The following WDFY4 variants were observed in gnomAD, a reference collection of about 807,000 sequenced individuals.
WDFY4 encodes WD repeat- and FYVE domain-containing protein 4.
A neutral mutation model predicts 351.9 loss-of-function variants in WDFY4; 169 were observed. The observed-to-expected ratio is 0.48, with a 90% CI of 0.42 to 0.55. WDFY4 has a LOEUF of 0.55. Among genes scored for constraint, WDFY4 ranks in the 20% least tolerant of loss-of-function variants. The pLI, the probability that WDFY4 is intolerant of heterozygous loss-of-function variation, is 0.00. For missense variants in WDFY4, 3,803 were observed against 3,935.6 expected (o/e 0.97, Z 0.90); for synonymous variants, 1,622 against 1,574.6 (o/e 1.03, Z -0.71).
At chr10:48,883,349 C>A (rs2070329264) in intron 43 of WDFY4, among the ~76,000 whole-genome samples, 1 of 152,058 alleles carries the variant, frequency 6.6e-6, no homozygotes, top group South Asian at 2.1e-4. Context: ...TGATTGTTGA[C>A]CCGTGAACAT....
At chr10:48,756,214 A>T (rs963037113) in intron 12 of WDFY4, among the ~76,000 whole-genome samples, 2 of 151,996 alleles carry the variant, frequency 1.3e-5, no homozygotes, top group Admixed American at 1.3e-4. Context: ...AAAGTCTGTC[A>T]TATTCAGTGT....
intron 1 of WDFY4, among the ~76,000 whole-genome samples, chr10:48,706,645 A>C (rs1204125495): frequency 6.6e-6 from 1 of 152,230 alleles, no homozygotes; most frequent in Non-Finnish European, 1.5e-5. Context: ...TTGGTGTTTC[A>C]GGAGCAGCCG....
intron 44 of WDFY4, among the ~76,000 whole-genome samples, chr10:48,893,065 C>CCT (rs1836894402): frequency 6.6e-6 from 1 of 152,234 alleles, no homozygotes; most frequent in South Asian, 2.1e-4. Context: ...GGCCATGCTT[C>CCT]CTCTGACTGC....
At chr10:48,799,210 C>A (rs1056068346) in intron 24 of WDFY4, among the ~76,000 whole-genome samples, 3 of 152,032 alleles carry the variant, frequency 2.0e-5, no homozygotes, top group African/African-American at 4.8e-5. Flanking sequence ...TTCAGGAGAT[C>A]TGGTGCTTTT....
At chr10:48,913,669 T>G (rs145385330) in intron 47 of WDFY4, 1,219 of 1,613,598 alleles carry the variant, frequency 7.6e-4, no homozygotes, top group Non-Finnish European at 8.2e-4. Context: ...AGCTTGGAGA[T>G]GCTCACGGGG....
chr10:48,821,534 C>T (rs187976858), intron 34 of WDFY4, among the ~76,000 whole-genome samples: 77 of 152,332 alleles, frequency 5.1e-4, no homozygotes, highest in Admixed American at 2.6e-3. Flanking sequence ...TGCCTGGGTA[C>T]GGGATAGGTG....
chr10:48,828,651 G>A (rs1323905957), intron 36 of WDFY4, 127 bp from the exon 37 acceptor site: 2 of 576,712 alleles, frequency 3.5e-6, no homozygotes, highest in Admixed American at 3.7e-5. Flanking sequence ...AATTTGATTA[G>A]GCAAGTTTTT....
chr10:48,830,546 A>G (rs1303285765), intron 37 of WDFY4, among the ~76,000 whole-genome samples, 154 bp from the exon 38 acceptor site: 1 of 152,060 alleles, frequency 6.6e-6, no homozygotes, highest in Non-Finnish European at 1.5e-5. Context: ...CTCAGTACTG[A>G]TTGCTTCTCG....
intron 39 of WDFY4, among the ~76,000 whole-genome samples, chr10:48,846,276 C>T (rs187653413): frequency 2.2e-4 from 33 of 152,316 alleles, no homozygotes; most frequent in Non-Finnish European, 3.8e-4. Flanking sequence ...TATTTTCTCC[C>T]GTCTCTACCC....
chr10:48,778,477 A>G lies in WDFY4; in HGVS notation c.3176-134A>G, dbSNP rs1290190879. ...GGCAAGGCAGCATGCCATAATGGGGAGGAGACAACTGGTGATTAGGCAAGA... is the reference window on the plus strand; with the variant it reads ...GGCAAGGCAGCATGCCATAATGGGGGGGAGACAACTGGTGATTAGGCAAGA... On this transcript the variant is annotated intron_variant, in intron 17 of 61. Coordinates refer to ENST00000325239, the MANE Select transcript of WDFY4 (RefSeq NM_001394531.1). 4 of 855,588 alleles carry G rather than the reference A, an allele frequency of 4.7e-6. No homozygotes were observed. In the East Asian group the frequency reaches 1.1e-4, roughly 23 times the overall value. The allele number at this position is 855,588 out of a possible 1,614,324, so 53.0% of individuals were successfully genotyped here.
At chr10:48,736,334 T>C (rs2064666898) in intron 11 of WDFY4, 7 of 603,130 alleles carry the variant, frequency 1.2e-5, no homozygotes, top group South Asian at 9.9e-5. Context: ...GGCATCTAAC[T>C]TGGCCAGCAG....
At chr10:48,756,233 C>A (rs539405288) in intron 12 of WDFY4, among the ~76,000 whole-genome samples, 19 of 151,974 alleles carry the variant, frequency 1.3e-4, no homozygotes, top group Non-Finnish European at 2.5e-4. Context: ...GTAGGGCCTG[C>A]ACATGTTTTC....
chr10:48,848,429 A>C (rs1336305969), intron 39 of WDFY4, among the ~76,000 whole-genome samples: 1 of 152,238 alleles, frequency 6.6e-6, no homozygotes, highest in Admixed American at 6.5e-5. Context: ...GCAACTAGTA[A>C]AAGACTGCAT....
chr10:48,744,788 AT>A (rs1483361363), intron 12 of WDFY4, among the ~76,000 whole-genome samples: 1 of 149,456 alleles, frequency 6.7e-6, no homozygotes, highest in Non-Finnish European at 1.5e-5. Flanking sequence ...TTGGTTTGTT[AT>A]TTTGCAAGCT....
rs771223620 is a variant in WDFY4, at chr10:48,806,113, A to G, written c.4738+18A>G. On this transcript the variant is annotated intron_variant, in intron 27 of 61. Coordinates refer to ENST00000325239, the MANE Select transcript of WDFY4 (RefSeq NM_001394531.1). ...CCTGCCTGGTGAGAAGACCTTTGCC[A>G]GTTCGAAGGCAGTAGGACGGCCCTC... 2 of 1,551,150 alleles carry G rather than the reference A, an allele frequency of 1.3e-6. No homozygotes were observed. The highest frequency in any genetic ancestry group is 2.4e-5 in the East Asian group (1 of 40,904).
chr10:48,875,884 A>G (rs1285173506), intron 42 of WDFY4, among the ~76,000 whole-genome samples: 2 of 152,188 alleles, frequency 1.3e-5, no homozygotes, highest in Non-Finnish European at 2.9e-5. Context: ...ATAGGATGAT[A>G]TTGTGATACC....
chr10:48,777,149 G>T (rs1020094437), intron 16 of WDFY4, among the ~76,000 whole-genome samples, 165 bp downstream of exon 16: 3 of 152,234 alleles, frequency 2.0e-5, no homozygotes, highest in African/African-American at 7.2e-5. Flanking sequence ...CCTCCCAGGG[G>T]CTGTGTCCCC....
intron 51 of WDFY4, among the ~76,000 whole-genome samples, chr10:48,951,262 T>C (rs1472744110): frequency 6.6e-6 from 1 of 152,194 alleles, no homozygotes; most frequent in East Asian, 1.9e-4. Context: ...ATGTACTGTG[T>C]GATCTGAGCA....
At chr10:48,945,584 G>A (rs1841002270) in intron 49 of WDFY4, among the ~76,000 whole-genome samples, 1 of 152,166 alleles carries the variant, frequency 6.6e-6, no homozygotes, top group African/African-American at 2.4e-5. Flanking sequence ...TGCCCAGAAA[G>A]GAGTGAACCT....
Sources: gnomAD v4.1 joint callset for allele counts (sites outside exome capture counted in the v4.1 genomes callset) on GRCh38, gnomAD v4.1.1 for gene constraint, MANE v1.5 for transcripts, NCBI Gene and HGNC (gene_info 2026-07-23, HGNC 2026-07-21) for gene names.